MRAP2: variants seen among roughly 807,000 people sequenced by gnomAD.
MRAP2 encodes the protein melanocortin 2 receptor accessory protein 2.
MRAP2 carries 20 observed loss-of-function variants against 17.4 expected under a neutral mutation model. That is an observed-to-expected ratio of 1.15 (90% CI 0.81 to 1.67). MRAP2 has a LOEUF of 1.67. Among genes scored for constraint, MRAP2 ranks in the 40% most tolerant of loss-of-function variants. The pLI, the probability that MRAP2 is intolerant of heterozygous loss-of-function variation, is 0.00. For synonymous variants in MRAP2, 96 were observed against 88.4 expected, an observed-to-expected ratio of 1.09 and a Z score of -0.48; for missense variants, 238 against 240.0, an observed-to-expected ratio of 0.99 and a Z score of 0.05.
rs151334068 is a variant in MRAP2, at chr6:84,073,255, C to G, written c.227+10263C>G. On this transcript the variant is annotated intron_variant, in intron 3 of 3. Coordinates refer to ENST00000257776, the MANE Select transcript of MRAP2 (RefSeq NM_138409.4). ...TGTGGACCCAGCGAGCGCCCAGGGCCTTTCTTCTTCTTCCTCTACCCCTGT... is the reference window on the plus strand; with the variant it reads ...TGTGGACCCAGCGAGCGCCCAGGGCGTTTCTTCTTCTTCCTCTACCCCTGT... Among the ~76,000 whole-genome samples, 541 of 152,226 alleles carry G rather than the reference C, an allele frequency of 3.6e-3. 2 individuals carry two copies. Among genetic ancestry groups the G allele is most frequent in the Non-Finnish European group, 5.5e-3 (376 of 68,026 alleles).
upstream of MRAP2, chr6:84,033,684 C>CCGCGCTGCAGCCCTGCTCCGG (rs1246211652): frequency 4.1e-6 from 4 of 984,816 alleles, no homozygotes; most frequent in Non-Finnish European, 1.2e-6. Context: ...GAGGCGGCTC[C>CCGCGCTGCAGCCCTGCTCCGG]CGCGCTGCAG....
chr6:84,054,996 C>T (rs73483217), intron 1 of MRAP2, among the ~76,000 whole-genome samples: 1 of 152,214 alleles, frequency 6.6e-6, no homozygotes, highest in Admixed American at 6.5e-5. Flanking sequence ...TTTTGACATA[C>T]TCTTTCCCTC....
At chr6:84,096,658 G>A in the MRAP2 span, among the ~76,000 whole-genome samples, 1 of 152,208 alleles carries the variant, frequency 6.6e-6, no homozygotes, top group Non-Finnish European at 1.5e-5. Context: ...GATGGAAGCA[G>A]TTAGAGCAGG....
At chr6:84,117,434 T>C in the MRAP2 span, among the ~76,000 whole-genome samples, 2 of 152,112 alleles carry the variant, frequency 1.3e-5, no homozygotes, top group Non-Finnish European at 2.9e-5. Context: ...TTCTGAATAG[T>C]TTCAGTCAGA....
chr6:84,075,761 G>C (rs1175716356), intron 3 of MRAP2, among the ~76,000 whole-genome samples: 2 of 152,010 alleles, frequency 1.3e-5, no homozygotes, highest in Non-Finnish European at 2.9e-5. Flanking sequence ...TTCACTTAGG[G>C]GCCAGTGCAG....
chr6:84,127,622 G>C, the MRAP2 span, among the ~76,000 whole-genome samples: 1 of 152,030 alleles, frequency 6.6e-6, no homozygotes, highest in Non-Finnish European at 1.5e-5. Flanking sequence ...GCTGATAAAG[G>C]CATAGTCATA....
chr6:84,067,114 G>C (rs145391523), intron 3 of MRAP2, among the ~76,000 whole-genome samples: 1 of 151,162 alleles, frequency 6.6e-6, no homozygotes, highest in African/African-American at 2.4e-5. Context: ...TAGCTCCCAC[G>C]TATCAGTGAG....
chr6:84,106,648 A>G, the MRAP2 span, among the ~76,000 whole-genome samples: 1 of 151,866 alleles, frequency 6.6e-6, no homozygotes, highest in Non-Finnish European at 1.5e-5. Context: ...ATTGTAGGGT[A>G]CTCCCCTGTG....
At chr6:84,112,802 C>A in the MRAP2 span, among the ~76,000 whole-genome samples, 1 of 152,172 alleles carries the variant, frequency 6.6e-6, no homozygotes, top group Non-Finnish European at 1.5e-5. Context: ...TACATCATGT[C>A]TTTGTTCTCA....
Position 84,089,633 on chromosome 6 carries a change from G to GCTCTT in MRAP2, c.*154_*155insCTTCT, listed in dbSNP as rs2099501354. 1 of 886,258 alleles carries GCTCTT rather than the reference G, an allele frequency of 1.1e-6. No homozygotes were observed. The highest frequency in any genetic ancestry group is 1.7e-6 in the Non-Finnish European group (1 of 595,530). The allele number at this position is 886,258 out of a possible 1,614,324, so 54.9% of individuals were successfully genotyped here. A position where few individuals can be genotyped will look rare whatever the true frequency, so the allele number is the denominator to read the frequency against. On this transcript the variant is annotated 3_prime_UTR_variant, in exon 4 of 4. Transcript: ENST00000257776. ...AGAGAAGAGACCCCTTTAGAAGAGA[G>GCTCTT]CTGAGCTGATTAAGCTGAGTGGTTT... is the stretch of plus-strand genomic sequence containing the variant.
chr6:84,064,589 G>A lies in MRAP2; in HGVS notation c.227+1597G>A, dbSNP rs540415186. Among the ~76,000 whole-genome samples the A allele has an allele frequency of 5.9e-5, 9 of 152,226 alleles. No homozygotes were observed. The South Asian group carries it at 6.2e-4, about 11-fold the overall frequency. On this transcript the variant is annotated intron_variant, in intron 3 of 3. Transcript: ENST00000257776. ...TGCAAGCTCCGCCTCCCGGGTTCAC[G>A]CCATTCTCCTGCCTCAGCCTCCCCA...
intron 3 of MRAP2, among the ~76,000 whole-genome samples, chr6:84,076,065 T>G (rs1456487881): frequency 6.7e-6 from 1 of 149,104 alleles, no homozygotes. Context: ...CAGGAGTTAT[T>G]TTTTTTTTTC....
intron 2 of MRAP2, chr6:84,062,205 C>A: frequency 2.9e-6 from 2 of 700,216 alleles, no homozygotes; most frequent in Non-Finnish European, 3.5e-6. Context: ...ACTAGGTAAG[C>A]AAACTGAAAA....
the MRAP2 span, among the ~76,000 whole-genome samples, chr6:84,139,488 A>G: frequency 6.6e-6 from 1 of 152,130 alleles, no homozygotes; most frequent in African/African-American, 2.4e-5. Context: ...CCCAACAGGA[A>G]CTCACATGGG....
intron 3 of MRAP2, among the ~76,000 whole-genome samples, chr6:84,071,983 A>G (rs1009974710): frequency 1.3e-5 from 2 of 152,066 alleles, no homozygotes; most frequent in African/African-American, 2.4e-5. Flanking sequence ...TACTTCTTGT[A>G]TAGTTTTTTA....
intron 1 of MRAP2, among the ~76,000 whole-genome samples, chr6:84,050,508 C>A (rs1201092192): frequency 6.6e-6 from 1 of 152,144 alleles, no homozygotes; most frequent in Non-Finnish European, 1.5e-5. Context: ...TTGTTCTGTG[C>A]AAGGAGGAAA....
chr6:84,131,445 G>C, the MRAP2 span, among the ~76,000 whole-genome samples: 47 of 152,216 alleles, frequency 3.1e-4, no homozygotes, highest in Non-Finnish European at 5.4e-4. Flanking sequence ...TGACAGTGGG[G>C]TGTTAAAGTC....
the MRAP2 span, among the ~76,000 whole-genome samples, chr6:84,119,233 T>G: frequency 6.6e-6 from 1 of 152,230 alleles, no homozygotes; most frequent in African/African-American, 2.4e-5. Context: ...ATTGTAATTT[T>G]AATAGGAATT....
At chr6:84,077,777 C>A (rs191483826) in intron 3 of MRAP2, among the ~76,000 whole-genome samples, 3 of 151,636 alleles carry the variant, frequency 2.0e-5, no homozygotes, top group Non-Finnish European at 4.4e-5. Flanking sequence ...ACTGGATAAA[C>A]ATATGAAAAA....
Sources: gnomAD v4.1 joint callset for allele counts (sites outside exome capture counted in the v4.1 genomes callset) on GRCh38, gnomAD v4.1.1 for gene constraint, MANE v1.5 for transcripts, NCBI Gene and HGNC (gene_info 2026-07-23, HGNC 2026-07-21) for gene names.